The following LMBRD1 variants were observed in gnomAD, a reference collection of about 807,000 sequenced individuals.
The protein encoded by LMBRD1 is lysosomal cobalamin transport escort protein LMBD1.
LMBRD1 carries 64 observed loss-of-function variants against 74.8 expected under a neutral mutation model. That is an observed-to-expected ratio of 0.86 (90% CI 0.70 to 1.05). LMBRD1 has a LOEUF of 1.05. Ranked by LOEUF, LMBRD1 falls within the 50% of genes least tolerant of loss-of-function variation. The pLI is 0.00. For synonymous variants in LMBRD1, 204 were observed against 216.3 expected (o/e 0.94, Z 0.50); for missense variants, 652 against 645.9 (o/e 1.01, Z -0.10).
chr6:69,747,433 A>T (rs1767261501), intron 5 of LMBRD1, among the ~76,000 whole-genome samples: 1 of 152,226 alleles, frequency 6.6e-6, no homozygotes, highest in South Asian at 2.1e-4. Context: ...TAAGCCACCC[A>T]GTCTATGATA....
rs1765176295 is a variant in LMBRD1, at chr6:69,752,340, TATAAC to T, written c.319_323del (p.Val107IlefsTer16). 1 of 1,608,000 alleles carries T rather than the reference TATAAC, an allele frequency of 6.2e-7. No homozygotes were observed. Among genetic ancestry groups the T allele is most frequent in the African/African-American group, 1.3e-5 (1 of 74,782 alleles). ...GGATCCAGAAGAACACACAGAACAA[TATAAC>T]AGAATATAAAGCTGTGGAAATAAAT... On this transcript the variant is annotated frameshift_variant, in exon 4 of 16. Coordinates refer to ENST00000649934, the MANE Select transcript of LMBRD1 (RefSeq NM_018368.4). LOFTEE classifies it high-confidence loss of function.
intron 9 of LMBRD1, among the ~76,000 whole-genome samples, chr6:69,706,531 T>C (rs1429286883): frequency 1.3e-5 from 2 of 152,186 alleles, no homozygotes; most frequent in Non-Finnish European, 2.9e-5. Context: ...GATCAACTTT[T>C]GTGTTCCCTG....
intron 3 of LMBRD1, among the ~76,000 whole-genome samples, chr6:69,775,200 CA>C (rs1765674060): frequency 6.6e-6 from 1 of 152,098 alleles, no homozygotes; most frequent in African/African-American, 2.4e-5. Context: ...TTTACCCTCT[CA>C]TACTTCAACA....
intron 7 of LMBRD1, among the ~76,000 whole-genome samples, chr6:69,731,185 G>A (rs1201278837): frequency 6.6e-6 from 1 of 152,072 alleles, no homozygotes; most frequent in African/African-American, 2.4e-5. Flanking sequence ...GAGATGAAGA[G>A]AGGCTTGATT....
rs145655330 is a variant in LMBRD1, at chr6:69,678,070, C to T, written c.1418-1529G>A. On this transcript the variant is annotated intron_variant, in intron 14 of 15. Transcript: ENST00000649934. ...TCAAAAATCCACATATAACTTTTGA[C>T]TTCTCCAAAACGTAACTACTAAATA... Among the ~76,000 whole-genome samples the T allele has an allele frequency of 5.3e-5, 8 of 152,238 alleles. No homozygotes were observed. The East Asian group carries it at 1.3e-3, about 26-fold the overall frequency.
chr6:69,680,952 C>A (rs1765647847), intron 14 of LMBRD1, among the ~76,000 whole-genome samples: 1 of 151,880 alleles, frequency 6.6e-6, no homozygotes. Context: ...AAGAAAATCA[C>A]AATAAAGGTT....
chr6:69,691,168 T>G (rs1765870555), intron 14 of LMBRD1, among the ~76,000 whole-genome samples: 1 of 150,512 alleles, frequency 6.6e-6, no homozygotes, highest in Non-Finnish European at 1.5e-5. Context: ...TTTAACAATT[T>G]AAAGGACAGA....
chr6:69,689,249 A>G (rs1466461640), intron 14 of LMBRD1, among the ~76,000 whole-genome samples: 2 of 152,148 alleles, frequency 1.3e-5, no homozygotes, highest in Non-Finnish European at 2.9e-5. Flanking sequence ...TTAAAAAATA[A>G]GAAAAGAAAG....
chr6:69,729,957 G>C (rs530230600), intron 7 of LMBRD1, among the ~76,000 whole-genome samples: 103 of 151,440 alleles, frequency 6.8e-4, no homozygotes, highest in African/African-American at 2.4e-3. Flanking sequence ...CTTCACTTCA[G>C]ACTTTTTTTT....
At chr6:69,676,415 G>T in intron 15 of LMBRD1, 35 bp downstream of exon 15, 13 of 1,594,622 alleles carry the variant, frequency 8.2e-6, no homozygotes, top group Non-Finnish European at 1.1e-5. Context: ...ATTTATAAAG[G>T]AAGGTCAAAT....
intron 8 of LMBRD1, among the ~76,000 whole-genome samples, chr6:69,716,012 T>C (rs1376530568): frequency 6.6e-6 from 1 of 152,220 alleles, no homozygotes; most frequent in South Asian, 2.1e-4. Context: ...TTATGCAGTC[T>C]ACCATTGATG....
intron 14 of LMBRD1, among the ~76,000 whole-genome samples, chr6:69,679,952 T>G (rs770727312): frequency 6.6e-6 from 1 of 152,136 alleles, no homozygotes. Context: ...GTTGCAAGTC[T>G]TAAGATTTCA....
intron 14 of LMBRD1, among the ~76,000 whole-genome samples, chr6:69,688,652 C>T (rs1478060719): frequency 6.6e-6 from 1 of 152,040 alleles, no homozygotes; most frequent in Non-Finnish European, 1.5e-5. Flanking sequence ...TCAGCATCTA[C>T]TTGGCAGATG....
intron 7 of LMBRD1, among the ~76,000 whole-genome samples, chr6:69,732,967 T>C (rs1022927249): frequency 1.7e-4 from 26 of 152,212 alleles, no homozygotes; most frequent in Non-Finnish European, 3.2e-4. Context: ...AATATGCTGT[T>C]TGACCTCCTT....
chr6:69,705,227 C>G, intron 9 of LMBRD1: 1 of 642,636 alleles, frequency 1.6e-6, no homozygotes, highest in Non-Finnish European at 2.9e-6. Context: ...AGCCAGATAT[C>G]AACTGCTACA....
At chr6:69,696,825 A>C (rs1267892434) in intron 14 of LMBRD1, among the ~76,000 whole-genome samples, 4 of 152,156 alleles carry the variant, frequency 2.6e-5, no homozygotes, top group South Asian at 4.1e-4. Flanking sequence ...GTTTTTCATA[A>C]TGGTATTCAT....
At chr6:69,698,906 T>C (rs1766064519) in intron 13 of LMBRD1, 137 bp downstream of exon 13, 1 of 641,584 alleles carries the variant, frequency 1.6e-6, no homozygotes, top group Non-Finnish European at 2.6e-6. Flanking sequence ...AAAATAGAAA[T>C]AAAAAACCAG....
intron 7 of LMBRD1, among the ~76,000 whole-genome samples, chr6:69,733,219 G>A (rs1270251689): frequency 4.6e-5 from 7 of 152,052 alleles, no homozygotes; most frequent in African/African-American, 1.7e-4. Flanking sequence ...TAGGGTCAAA[G>A]TACTCAAGTA....
intron 5 of LMBRD1, among the ~76,000 whole-genome samples, chr6:69,748,376 T>TA (rs1344039782): frequency 6.6e-6 from 1 of 152,050 alleles, no homozygotes. Flanking sequence ...ACTCCAGAGC[T>TA]AAAATACATA....
Sources: gnomAD v4.1 joint callset for allele counts (sites outside exome capture counted in the v4.1 genomes callset) on GRCh38, gnomAD v4.1.1 for gene constraint, MANE v1.5 for transcripts, NCBI Gene and HGNC (gene_info 2026-07-23, HGNC 2026-07-21) for gene names.